RORA: variants seen among roughly 807,000 people sequenced by gnomAD.
RORA encodes RAR related orphan receptor A.
A neutral mutation model predicts 69.5 loss-of-function variants in RORA; 7 were observed. The ratio of observed to expected loss-of-function variants is 0.10; its 90% CI spans 0.06 to 0.19. The LOEUF is 0.19. RORA is among the 10% of genes least tolerant of loss of function. The pLI, the probability that RORA is intolerant of heterozygous loss-of-function variation, is 1.00. For synonymous variants in RORA, 261 were observed against 240.8 expected, an observed-to-expected ratio of 1.08 and a Z score of -0.78; for missense variants, 457 against 663.0, an observed-to-expected ratio of 0.69 and a Z score of 3.41.
intron 2 of RORA, among the ~76,000 whole-genome samples, chr15:60,535,161 T>C (rs1175317722): frequency 6.6e-6 from 1 of 152,198 alleles, no homozygotes; most frequent in East Asian, 1.9e-4. Context: ...AGCCAGCATT[T>C]CAAAGGATGA....
At chr15:61,028,197 T>A (rs1440621617) in intron 1 of RORA, among the ~76,000 whole-genome samples, 1 of 152,176 alleles carries the variant, frequency 6.6e-6, no homozygotes, top group African/African-American at 2.4e-5. Flanking sequence ...TACTTCTACA[T>A]TTTTGCAACT....
intron 2 of RORA, among the ~76,000 whole-genome samples, chr15:60,562,038 G>A (rs572527427): frequency 6.6e-6 from 1 of 151,958 alleles, no homozygotes; most frequent in East Asian, 1.9e-4. Flanking sequence ...CTGCCTCCCA[G>A]GTTCAAGCGA....
chr15:60,664,673 A>C (rs1019815467), intron 2 of RORA, among the ~76,000 whole-genome samples: 1 of 152,242 alleles, frequency 6.6e-6, no homozygotes, highest in Non-Finnish European at 1.5e-5. Context: ...ATAATTCCAA[A>C]GTGCTTTTTG....
chr15:61,059,988 G>GGAAGAAGAAGAAGAA (rs71122901), intron 1 of RORA, among the ~76,000 whole-genome samples: 2,637 of 85,786 alleles, frequency 0.031, 104 homozygotes, highest in Middle Eastern at 0.045. Context: ...AAGAGGAAGA[G>GGAAGAAGAAGAAGAA]GAAGAAGAAG....
chr15:61,068,933 CCT>C (rs1168163807), intron 1 of RORA, among the ~76,000 whole-genome samples: 1 of 152,184 alleles, frequency 6.6e-6, no homozygotes, highest in African/African-American at 2.4e-5. Context: ...ACCATTTCCC[CCT>C]GACAATATAG....
chr15:61,186,648 A>G (rs1161203923), intron 1 of RORA, among the ~76,000 whole-genome samples: 5 of 135,450 alleles, frequency 3.7e-5, no homozygotes, highest in Admixed American at 3.5e-4. Flanking sequence ...CTCAAAAAAA[A>G]AAAAAAAAAA....
chr15:61,044,508 A>G (rs1408589966), intron 1 of RORA, among the ~76,000 whole-genome samples: 3 of 152,240 alleles, frequency 2.0e-5, no homozygotes, highest in African/African-American at 7.2e-5. Context: ...CTGAGTTGGA[A>G]GTGAATAAAA....
In RORA at chr15:60,926,360, GC is replaced by G. The variant is rs1380414080; in HGVS notation, c.167-247675del. On this transcript the variant is annotated intron_variant, in intron 1 of 10. Coordinates refer to ENST00000335670, the MANE Select transcript of RORA (RefSeq NM_134261.3). The stretch of plus-strand genomic sequence containing the variant: ...TGTCTACAGCTTTCCATAAGCCCTT[GC>G]CAAAGTCTCACACTCCCCAACAGGC... 3.3e-5 allele frequency among the ~76,000 whole-genome samples: 5 copies of G among 152,252 alleles called. No individual in the cohort carries two copies. In the East Asian group the frequency reaches 9.7e-4, roughly 29 times the overall value.
intron 1 of RORA, among the ~76,000 whole-genome samples, chr15:60,712,375 G>A (rs527532907): frequency 1.6e-4 from 25 of 152,230 alleles, no homozygotes; most frequent in African/African-American, 6.0e-4. Flanking sequence ...ACTAAATTTG[G>A]TCTAAATGAG....
chr15:60,659,925 T>A (rs2070280349), intron 2 of RORA, among the ~76,000 whole-genome samples: 1 of 152,212 alleles, frequency 6.6e-6, no homozygotes. Flanking sequence ...TGTCATTTCA[T>A]CCACAACTAC....
At chr15:60,847,401 A>G (rs541425675) in intron 1 of RORA, among the ~76,000 whole-genome samples, 1 of 152,128 alleles carries the variant, frequency 6.6e-6, no homozygotes, top group Non-Finnish European at 1.5e-5. Context: ...CTCCTGTTCC[A>G]TCCCCTACTT....
rs530566687 is a variant in RORA at position 60,767,909 on chromosome 15, T to C, written c.167-89223A>G. Among the ~76,000 whole-genome samples, 9 of 152,308 alleles carry C rather than the reference T, an allele frequency of 5.9e-5. No individual in the cohort carries two copies. In the East Asian group the frequency reaches 1.7e-3, roughly 29 times the overall value. On this transcript the variant is annotated intron_variant, in intron 1 of 10. Transcript: ENST00000335670. ...GTACACTGGTGGCTTTTCACTGGAC[T>C]GTCAGTTCCTTAAGGGCAGGGCCAC...
At chr15:60,728,654 C>T (rs2071393869) in intron 1 of RORA, among the ~76,000 whole-genome samples, 2 of 152,084 alleles carry the variant, frequency 1.3e-5, no homozygotes, top group African/African-American at 4.8e-5. Flanking sequence ...AATGCATTTA[C>T]CAGTAAAACA....
At chr15:61,071,046 G>C (rs575872117) in intron 1 of RORA, among the ~76,000 whole-genome samples, 1 of 151,082 alleles carries the variant, frequency 6.6e-6, no homozygotes, top group South Asian at 2.1e-4. Flanking sequence ...TAGTGTAATT[G>C]CAAGTTTTAT....
intron 1 of RORA, among the ~76,000 whole-genome samples, chr15:60,807,687 C>T (rs1339530271): frequency 2.6e-5 from 4 of 152,080 alleles, no homozygotes; most frequent in African/African-American, 7.2e-5. Context: ...ACTATACGGC[C>T]ATAGTCACCA....
intron 5 of RORA, among the ~76,000 whole-genome samples, chr15:60,508,488 A>G (rs2065586922): frequency 6.6e-6 from 1 of 152,202 alleles, no homozygotes; most frequent in Non-Finnish European, 1.5e-5. Context: ...GTCCCACATA[A>G]TTTGTGTCTA....
chr15:60,793,310 T>C (rs988316148), intron 1 of RORA, among the ~76,000 whole-genome samples: 1 of 152,182 alleles, frequency 6.6e-6, no homozygotes, highest in Non-Finnish European at 1.5e-5. Flanking sequence ...TAAAATTCAT[T>C]CAAGAACTAA....
rs572210864 is a variant in RORA, at chr15:61,025,826, T to G, written c.166+203227A>C. On this transcript the variant is annotated intron_variant, in intron 1 of 10. Transcript: ENST00000335670. Reference sequence around the variant, plus strand: ...CCAAATGAGCGTTGGCAACATGGGTTGGAGTTGCCTTTATGCACATAATTT... The same window carrying G: ...CCAAATGAGCGTTGGCAACATGGGTGGGAGTTGCCTTTATGCACATAATTT... 4.2e-3 allele frequency among the ~76,000 whole-genome samples: 635 copies of G among 152,344 alleles called. 6 individuals carry two copies. The highest frequency in any genetic ancestry group is 6.3e-3 in the Non-Finnish European group (430 of 68,042).
At chr15:61,012,302 T>C (rs1006288311) in intron 1 of RORA, among the ~76,000 whole-genome samples, 1 of 152,256 alleles carries the variant, frequency 6.6e-6, no homozygotes, top group Non-Finnish European at 1.5e-5. Context: ...TTTCCCAATT[T>C]GTTCCTATAG....
Sources: gnomAD v4.1 joint callset for allele counts (sites outside exome capture counted in the v4.1 genomes callset) on GRCh38, gnomAD v4.1.1 for gene constraint, MANE v1.5 for transcripts, NCBI Gene and HGNC (gene_info 2026-07-23, HGNC 2026-07-21) for gene names.